The following GRAP2 variants were observed in gnomAD, a reference collection of about 807,000 sequenced individuals.
GRAP2 encodes the protein GRB2 related adaptor protein 2.
In GRAP2, 31 loss-of-function variants were observed where a neutral mutation model predicts 43.5. That is an observed-to-expected ratio of 0.71 (90% CI 0.54 to 0.96). GRAP2 has a LOEUF of 0.96. Among genes scored for constraint, GRAP2 ranks in the 40% least tolerant of loss-of-function variants. The probability of loss-of-function intolerance (pLI) is 0.00; values close to 1 mark genes in which losing one functional copy is unlikely to be tolerated. For missense variants in GRAP2, 371 were observed against 424.4 expected (o/e 0.87, Z 1.11); for synonymous variants, 156 against 164.8 (o/e 0.95, Z 0.41).
At chr22:39,960,510 A>G in intron 4 of GRAP2, 1 of 233,294 alleles carries the variant, frequency 4.3e-6, no homozygotes, top group South Asian at 9.2e-5. Flanking sequence ...CTCAGTGAGT[A>G]TTTGTGGAAG....
the GRAP2 span, among the ~76,000 whole-genome samples, chr22:39,894,645 G>A: frequency 2.6e-5 from 4 of 152,342 alleles, no homozygotes; most frequent in African/African-American, 9.6e-5. Flanking sequence ...CAATGATGGG[G>A]TAGCTCCAGT....
intron 1 of GRAP2, among the ~76,000 whole-genome samples, chr22:39,936,252 A>G (rs1176432372): frequency 6.6e-6 from 1 of 152,024 alleles, no homozygotes; most frequent in Non-Finnish European, 1.5e-5. Flanking sequence ...TTTCTGATTC[A>G]GGGGTGGGGG....
chr22:39,967,886 G>A (rs188626297), intron 5 of GRAP2, among the ~76,000 whole-genome samples, 156 bp from the exon 6 acceptor site: 1 of 152,308 alleles, frequency 6.6e-6, no homozygotes, highest in Admixed American at 6.5e-5. Flanking sequence ...AAAATGTGAA[G>A]GTCTAAAGCA....
Position 39,955,926 on chromosome 22 carries a change from C to T in GRAP2, c.170+16C>T, listed in dbSNP as rs751795433. On this transcript the variant is annotated intron_variant, in intron 3 of 7. Coordinates refer to ENST00000344138, the MANE Select transcript of GRAP2 (RefSeq NM_004810.4). ...AGTTTCCCAAGTAAGTATCTGCAGCCTGCTGAGATGGGCCTAGCCACACAC... is the reference window on the plus strand; with the variant it reads ...AGTTTCCCAAGTAAGTATCTGCAGCTTGCTGAGATGGGCCTAGCCACACAC... 4.4e-6 allele frequency: 5 copies of T among 1,145,218 alleles called. No individual in the cohort carries two copies. The East Asian group carries it at 1.2e-4, about 27-fold the overall frequency. 70.9% of individuals were successfully genotyped at this position (1,145,218 alleles called of 1,614,324 possible). A position where few individuals can be genotyped will look rare whatever the true frequency, so the allele number is the denominator to read the frequency against.
intron 1 of GRAP2, among the ~76,000 whole-genome samples, chr22:39,929,848 A>G (rs111858004): frequency 6.6e-6 from 1 of 152,276 alleles, no homozygotes; most frequent in South Asian, 2.1e-4. Context: ...CACCCCTTTA[A>G]TTATCTCCTC....
At chr22:39,904,965 G>A (rs1484526530) in intron 1 of GRAP2, among the ~76,000 whole-genome samples, 2 of 152,174 alleles carry the variant, frequency 1.3e-5, no homozygotes, top group South Asian at 2.1e-4. Flanking sequence ...TTGATTGAAC[G>A]TTTTTTGCAA....
intron 1 of GRAP2, among the ~76,000 whole-genome samples, chr22:39,939,527 A>C (rs1330598550): frequency 1.1e-4 from 14 of 132,560 alleles, no homozygotes; most frequent in Admixed American, 8.7e-4. Context: ...TTGCCACTGC[A>C]CTCCAGCCTG....
At chr22:39,902,063 A>G (rs2066497088) in intron 1 of GRAP2, among the ~76,000 whole-genome samples, 2 of 152,220 alleles carry the variant, frequency 1.3e-5, no homozygotes, top group African/African-American at 4.8e-5. Context: ...AATTTACCGT[A>G]TTTATCTACC....
chr22:39,923,685 A>G (rs995358922), intron 1 of GRAP2, among the ~76,000 whole-genome samples: 3 of 152,232 alleles, frequency 2.0e-5, no homozygotes, highest in Admixed American at 2.0e-4. Context: ...ACTAATGAGG[A>G]AAGAAAAGGA....
chr22:39,915,477 G>C (rs956957517), intron 1 of GRAP2, among the ~76,000 whole-genome samples: 3 of 152,042 alleles, frequency 2.0e-5, no homozygotes, highest in Admixed American at 6.5e-5. Context: ...AGCCACAATC[G>C]TGTCATCCTC....
At chr22:39,970,428 G>A (rs908930187) in intron 7 of GRAP2, among the ~76,000 whole-genome samples, 15 of 152,296 alleles carry the variant, frequency 9.8e-5, no homozygotes, top group Middle Eastern at 6.8e-3. Flanking sequence ...ACCAAGGGCT[G>A]TTGTTTGGGG....
chr22:39,956,437 G>A (rs1334738871), intron 3 of GRAP2, among the ~76,000 whole-genome samples: 2 of 152,012 alleles, frequency 1.3e-5, no homozygotes, highest in African/African-American at 2.4e-5. Context: ...GATTACAGGC[G>A]TGAACCACCA....
At chr22:39,944,561 A>C (rs2066902336) in intron 1 of GRAP2, among the ~76,000 whole-genome samples, 1 of 152,202 alleles carries the variant, frequency 6.6e-6, no homozygotes. Context: ...AGCCAGGATT[A>C]ATATTACAAG....
At chr22:39,969,041 A>G (rs1050683766) in intron 6 of GRAP2, among the ~76,000 whole-genome samples, 6 of 152,196 alleles carry the variant, frequency 3.9e-5, no homozygotes, top group Non-Finnish European at 7.3e-5. Flanking sequence ...GGGCAGATAC[A>G]GACATTTCTT....
chr22:39,918,132 G>A (rs2066618410), intron 1 of GRAP2, among the ~76,000 whole-genome samples: 1 of 152,152 alleles, frequency 6.6e-6, no homozygotes, highest in African/African-American at 2.4e-5. Context: ...GCCCAAAGAG[G>A]TACTATAACT....
chr22:39,942,155 T>C (rs2066877752), intron 1 of GRAP2, among the ~76,000 whole-genome samples: 1 of 152,226 alleles, frequency 6.6e-6, no homozygotes, highest in Non-Finnish European at 1.5e-5. Context: ...CTATTCATTA[T>C]AACTTTTCAA....
chr22:39,900,489 TA>T (rs1381728924), upstream of GRAP2, among the ~76,000 whole-genome samples: 3 of 152,172 alleles, frequency 2.0e-5, no homozygotes, highest in South Asian at 6.2e-4. Flanking sequence ...GGGTGAGTGG[TA>T]CATTTAAAGG....
At chr22:39,967,292 C>T (rs1439292207) in intron 5 of GRAP2, among the ~76,000 whole-genome samples, 1 of 152,122 alleles carries the variant, frequency 6.6e-6, no homozygotes, top group Non-Finnish European at 1.5e-5. Context: ...CTAGCCAAGA[C>T]CTTGTGAATC....
chr22:39,961,710 A>G (rs1003422910), intron 4 of GRAP2, among the ~76,000 whole-genome samples: 4 of 152,226 alleles, frequency 2.6e-5, no homozygotes, highest in Admixed American at 2.0e-4. Flanking sequence ...AACTGCAAGA[A>G]TATAATGCTG....
Sources: gnomAD v4.1 joint callset for allele counts (sites outside exome capture counted in the v4.1 genomes callset) on GRCh38, gnomAD v4.1.1 for gene constraint, MANE v1.5 for transcripts, NCBI Gene and HGNC (gene_info 2026-07-23, HGNC 2026-07-21) for gene names.